Variants in CCNY observed in about 807,000 individuals in gnomAD.
CCNY encodes cyclin-Y.
Under a neutral mutation model 42.8 loss-of-function variants are expected in CCNY, and 19 were observed. The ratio of observed to expected loss-of-function variants is 0.44; its 90% confidence interval spans 0.31 to 0.65. The LOEUF (loss-of-function observed/expected upper bound fraction) is 0.65. Ranked by LOEUF, CCNY falls within the 30% of genes least tolerant of loss-of-function variation. The pLI is 0.07. For synonymous variants in CCNY, 165 were observed against 162.7 expected (o/e 1.01, Z -0.11); for missense variants, 370 against 437.3 (o/e 0.85, Z 1.37).
Position 35,290,802 on chromosome 10 carries a change from A to C in CCNY, c.-9+40176A>C, listed in dbSNP as rs552350585. Among the ~76,000 whole-genome samples, 20 of 152,286 alleles carry C rather than the reference A, an allele frequency of 1.3e-4. No individual in the cohort carries two copies. In the South Asian group the frequency reaches 4.1e-3, roughly 32 times the overall value. On this transcript the variant is annotated intron_variant, in intron 3 of 11. Coordinates refer to the CCNY transcript ENST00000374706. The stretch of plus-strand genomic sequence containing the variant: ...CATAGTGAGACCCTGTCTATACGAA[A>C]AAATAACAACAACGAAAAAAACAAA...
chr10:35,253,216 A>G (rs1284654436), intron 3 of CCNY, among the ~76,000 whole-genome samples: 1 of 152,096 alleles, frequency 6.6e-6, no homozygotes, highest in Non-Finnish European at 1.5e-5. Flanking sequence ...TTTTAAAAAA[A>G]CTTTGTAAAT....
At chr10:35,500,427 A>G (rs912539326) in intron 2 of CCNY, among the ~76,000 whole-genome samples, 9 of 152,238 alleles carry the variant, frequency 5.9e-5, no homozygotes, top group Non-Finnish European at 8.8e-5. Context: ...AAACAGTTCC[A>G]TAGTCCCTTC....
At chr10:35,481,813 A>G (rs992279251) in intron 1 of CCNY, among the ~76,000 whole-genome samples, 7 of 152,212 alleles carry the variant, frequency 4.6e-5, no homozygotes, top group Non-Finnish European at 1.0e-4. Flanking sequence ...TTTATATCCT[A>G]GTTGAGCAGG....
At position 35,283,386 on chromosome 10, in the gene CCNY, G is replaced by C. The variant is rs368036457; in HGVS notation, c.-9+32760G>C. ...AGCGGAAAAATAATAAAAGCTTATT[G>C]TACAAGTGTAAGGACAGTTTTTTTT... is the stretch of plus-strand genomic sequence containing the variant. On this transcript the variant is annotated intron_variant, in intron 3 of 11. Transcript: ENST00000374706. Among the ~76,000 whole-genome samples, 6 of 151,826 alleles carry C rather than the reference G, an allele frequency of 4.0e-5. No homozygotes were observed. The East Asian group carries it at 5.8e-4, about 15-fold the overall frequency.
chr10:35,364,989 T>C (rs1261324130), intron 1 of CCNY, among the ~76,000 whole-genome samples: 1 of 152,226 alleles, frequency 6.6e-6, no homozygotes, highest in African/African-American at 2.4e-5. Flanking sequence ...CATGTTTAAC[T>C]ATCAGTAGGC....
At chr10:35,510,083 A>C (rs1840294552) in intron 3 of CCNY, among the ~76,000 whole-genome samples, 1 of 152,174 alleles carries the variant, frequency 6.6e-6, no homozygotes, top group South Asian at 2.1e-4. Context: ...TGCCTCCTCT[A>C]TCAAGGTCAT....
intron 1 of CCNY, among the ~76,000 whole-genome samples, chr10:35,380,593 G>C (rs545113661): frequency 2.6e-5 from 4 of 152,272 alleles, no homozygotes; most frequent in African/African-American, 9.6e-5. Context: ...ATATTGCCCA[G>C]GTACAACTAT....
At chr10:35,476,416 A>T (rs1311364100) in intron 1 of CCNY, among the ~76,000 whole-genome samples, 2 of 152,194 alleles carry the variant, frequency 1.3e-5, no homozygotes, top group Non-Finnish European at 2.9e-5. Context: ...GTAAAAGAAC[A>T]GAAATTATAA....
intron 8 of CCNY, among the ~76,000 whole-genome samples, chr10:35,557,398 A>G (rs940010195): frequency 6.6e-6 from 1 of 152,178 alleles, no homozygotes; most frequent in African/African-American, 2.4e-5. Context: ...CTGGATGATA[A>G]TGTTCTAATT....
intron 1 of CCNY, among the ~76,000 whole-genome samples, chr10:35,404,500 G>C (rs1327444428): frequency 6.6e-6 from 1 of 152,118 alleles, no homozygotes; most frequent in Non-Finnish European, 1.5e-5. Context: ...TGTTAGGATG[G>C]CCGTCAATAC....
chr10:35,298,467 T>C (rs1835496758), intron 3 of CCNY, among the ~76,000 whole-genome samples: 1 of 152,214 alleles, frequency 6.6e-6, no homozygotes, highest in African/African-American at 2.4e-5. Flanking sequence ...ATCAATGTTG[T>C]ATGTGTTAGT....
At chr10:35,272,175 G>A (rs1835178628) in intron 3 of CCNY, among the ~76,000 whole-genome samples, 1 of 152,018 alleles carries the variant, frequency 6.6e-6, no homozygotes, top group Admixed American at 6.6e-5. Context: ...TTAGTAGAGA[G>A]GGGGTTTCTC....
intron 1 of CCNY, among the ~76,000 whole-genome samples, chr10:35,368,952 A>G (rs1377828437): frequency 6.6e-6 from 1 of 152,156 alleles, no homozygotes; most frequent in Admixed American, 6.5e-5. Flanking sequence ...TCTTATCACT[A>G]TTTGGCTTCA....
chr10:35,271,591 C>A (rs1467390101), intron 3 of CCNY, among the ~76,000 whole-genome samples: 1 of 152,154 alleles, frequency 6.6e-6, no homozygotes, highest in Non-Finnish European at 1.5e-5. Flanking sequence ...ACAGGGTCAC[C>A]CAGGCTAAAG....
intron 3 of CCNY, among the ~76,000 whole-genome samples, chr10:35,301,594 A>G (rs376352508): frequency 6.6e-6 from 1 of 151,686 alleles, no homozygotes; most frequent in African/African-American, 2.4e-5. Flanking sequence ...GTCTTTTCTT[A>G]TTTTTTTTAT....
chr10:35,327,990 G>A (rs1835899024), intron 3 of CCNY, among the ~76,000 whole-genome samples: 1 of 152,188 alleles, frequency 6.6e-6, no homozygotes, highest in Non-Finnish European at 1.5e-5. Context: ...TTCCTTTAGT[G>A]CCTTGAGAGG....
At chr10:35,334,705 T>C (rs1180092093), upstream of CCNY, among the ~76,000 whole-genome samples, 2 of 152,234 alleles carry the variant, frequency 1.3e-5, no homozygotes, top group Non-Finnish European at 2.9e-5. Flanking sequence ...ATAGCATTAA[T>C]ACAGTTGAGA....
chr10:35,516,002 C>T (rs1306679099), intron 3 of CCNY, among the ~76,000 whole-genome samples: 2 of 152,190 alleles, frequency 1.3e-5, no homozygotes, highest in Non-Finnish European at 2.9e-5. Context: ...AATATTTTTT[C>T]ATTATAACTT....
chr10:35,336,774 C>A lies in CCNY; in HGVS notation c.-280C>A. On this transcript the variant is annotated 5_prime_UTR_variant, in exon 1 of 10. Transcript: ENST00000374704. The stretch of plus-strand genomic sequence containing the variant: ...GTGAGGTAGGCGCGGCGGCCGCAGT[C>A]GCGCGGACCCGAGCGCTCCTCCGCC... 6.8e-6 allele frequency: 1 copy of A among 147,112 alleles called. No homozygotes were observed. The highest frequency in any genetic ancestry group is 2.0e-4 in the South Asian group (1 of 5,110). 9.1% of individuals were successfully genotyped at this position (147,112 alleles called of 1,614,324 possible). A position where few individuals can be genotyped will look rare whatever the true frequency, so the allele number is the denominator to read the frequency against.
Sources: gnomAD v4.1 joint callset for allele counts (sites outside exome capture counted in the v4.1 genomes callset) on GRCh38, gnomAD v4.1.1 for gene constraint, MANE v1.5 for transcripts, NCBI Gene and HGNC (gene_info 2026-07-23, HGNC 2026-07-21) for gene names.